The following DYM variants were observed in gnomAD, a reference collection of about 807,000 sequenced individuals.
DYM encodes the protein dymeclin, also known as dyggve-Melchior-Clausen syndrome protein.
DYM carries 78 observed loss-of-function variants against 93.1 expected under a neutral mutation model. That is an observed-to-expected ratio of 0.84 (90% CI 0.70 to 1.01). DYM has a LOEUF of 1.01. Ranked by LOEUF, DYM falls within the 50% of genes least tolerant of loss-of-function variation. The pLI is 0.00. For missense variants in DYM, 789 were observed against 845.0 expected (o/e 0.93, Z 0.82); for synonymous variants, 321 against 319.7 (o/e 1.00, Z -0.04).
intron 13 of DYM, among the ~76,000 whole-genome samples, chr18:49,250,629 G>C (rs1400695302): frequency 6.6e-6 from 1 of 152,216 alleles, no homozygotes; most frequent in Admixed American, 6.5e-5. Flanking sequence ...AGGCCTAGGA[G>C]CTGAACTGGG....
chr18:49,195,811 C>A (rs976491374), intron 14 of DYM, among the ~76,000 whole-genome samples: 3 of 152,040 alleles, frequency 2.0e-5, no homozygotes, highest in Non-Finnish European at 4.4e-5. Flanking sequence ...ACTTAGGGAG[C>A]CTTCGTTTAG....
chr18:49,396,431 T>C (rs1364148895), intron 2 of DYM, among the ~76,000 whole-genome samples: 1 of 152,220 alleles, frequency 6.6e-6, no homozygotes, highest in African/African-American at 2.4e-5. Flanking sequence ...AATATTTGCA[T>C]TATAGCTGAG....
At chr18:49,062,584 A>G (rs938495465) in intron 17 of DYM, among the ~76,000 whole-genome samples, 12 of 152,202 alleles carry the variant, frequency 7.9e-5, no homozygotes, top group African/African-American at 2.9e-4. Flanking sequence ...GGTGCTTTGC[A>G]CCAACGGCAC....
intron 1 of DYM, among the ~76,000 whole-genome samples, chr18:49,444,019 G>A (rs2081894581): frequency 6.6e-6 from 1 of 152,200 alleles, no homozygotes; most frequent in Non-Finnish European, 1.5e-5. Context: ...AGTAGAATCT[G>A]CTAAGATGTG....
At chr18:49,123,432 G>T (rs2082549342) in intron 15 of DYM, among the ~76,000 whole-genome samples, 1 of 152,084 alleles carries the variant, frequency 6.6e-6, no homozygotes, top group African/African-American at 2.4e-5. Flanking sequence ...GTGTACTCTT[G>T]CCTCCCTAGA....
At chr18:49,279,886 G>C (rs2145698031) in intron 10 of DYM, among the ~76,000 whole-genome samples, 1 of 152,250 alleles carries the variant, frequency 6.6e-6, no homozygotes. Context: ...GTGTCAATCT[G>C]ATGTAGAATA....
intron 13 of DYM, among the ~76,000 whole-genome samples, chr18:49,226,743 CT>C (rs1814271495): frequency 6.6e-6 from 1 of 152,064 alleles, no homozygotes; most frequent in South Asian, 2.1e-4. Flanking sequence ...CATTATGTTC[CT>C]CTTTGTACCA....
At chr18:49,203,268 A>G (rs28419024) in intron 14 of DYM, among the ~76,000 whole-genome samples, 6,403 of 28,166 alleles carry the variant, frequency 0.23, 763 homozygotes, top group Non-Finnish European at 0.33. Context: ...CGCCCCGTCC[A>G]GGAGGTGAGG....
At chr18:49,323,744 C>G in intron 8 of DYM, among the ~76,000 whole-genome samples, 1 of 152,262 alleles carries the variant, frequency 6.6e-6, no homozygotes, top group Middle Eastern at 3.4e-3. Flanking sequence ...ACCCAGCCTA[C>G]GGTATTTTGT....
At chr18:49,196,998 C>A (rs1049298233) in intron 14 of DYM, among the ~76,000 whole-genome samples, 1 of 152,148 alleles carries the variant, frequency 6.6e-6, no homozygotes, top group African/African-American at 2.4e-5. Flanking sequence ...AGGATGAATA[C>A]AGCAGGTGAG....
At chr18:49,126,241 A>G (rs937129182) in intron 15 of DYM, 1 of 152,226 alleles carries the variant, frequency 6.6e-6, no homozygotes, top group Admixed American at 6.5e-5. Context: ...TGGAAGATCA[A>G]CTACAGCTTC....
At chr18:49,125,531 T>G (rs1451509404) in intron 15 of DYM, among the ~76,000 whole-genome samples, 1 of 152,246 alleles carries the variant, frequency 6.6e-6, no homozygotes, top group African/African-American at 2.4e-5. Flanking sequence ...TCTACGTTAA[T>G]TGGTTTTATT....
At chr18:49,203,391 G>A (rs367627091) in intron 14 of DYM, among the ~76,000 whole-genome samples, 4,038 of 140,010 alleles carry the variant, frequency 0.029, 115 homozygotes, top group Non-Finnish European at 0.042. Context: ...GGATGACAAT[G>A]GCGGCTTTGT....
intron 2 of DYM, among the ~76,000 whole-genome samples, chr18:49,414,603 G>A (rs2072691973): frequency 6.6e-6 from 1 of 152,134 alleles, no homozygotes; most frequent in Admixed American, 6.6e-5. Flanking sequence ...CTAACAAGCA[G>A]AACTTACTTC....
intron 9 of DYM, among the ~76,000 whole-genome samples, chr18:49,284,360 C>T (rs1001324242): frequency 3.9e-5 from 6 of 152,042 alleles, no homozygotes; most frequent in African/African-American, 1.4e-4. Context: ...CAAGATCAGC[C>T]CTGATGGATA....
chr18:49,242,883 G>T (rs946084052), intron 13 of DYM, among the ~76,000 whole-genome samples: 1 of 152,220 alleles, frequency 6.6e-6, no homozygotes, highest in East Asian at 1.9e-4. Flanking sequence ...TGTATTTTTA[G>T]TAGAGACGGG....
chr18:49,392,664 T>A (rs182155940), intron 2 of DYM, among the ~76,000 whole-genome samples: 1 of 120,406 alleles, frequency 8.3e-6, no homozygotes, highest in Non-Finnish European at 1.6e-5. Context: ...TCCACACCCA[T>A]TGGGATGGCT....
chr18:49,209,257 A>G (rs1420326658), intron 14 of DYM, among the ~76,000 whole-genome samples: 2 of 152,200 alleles, frequency 1.3e-5, no homozygotes, highest in Non-Finnish European at 2.9e-5. Context: ...TCCAACTACT[A>G]TAAATCAAAA....
chr18:49,198,366 C>A (rs1276441940), intron 14 of DYM, among the ~76,000 whole-genome samples: 12 of 152,044 alleles, frequency 7.9e-5, no homozygotes, highest in East Asian at 5.8e-4. Context: ...GCAACAAAAG[C>A]CAAAATTGAC....
Sources: gnomAD v4.1 joint callset for allele counts (sites outside exome capture counted in the v4.1 genomes callset) on GRCh38, gnomAD v4.1.1 for gene constraint, MANE v1.5 for transcripts, NCBI Gene and HGNC (gene_info 2026-07-23, HGNC 2026-07-21) for gene names.